The following NCAM2 variants were observed in gnomAD, a reference collection of about 807,000 sequenced individuals.
The protein encoded by NCAM2 is N-CAM-2.
Under a neutral mutation model 98.1 loss-of-function variants are expected in NCAM2, and 30 were observed. The ratio of observed to expected loss-of-function variants is 0.31; its 90% CI spans 0.23 to 0.41. The LOEUF is 0.41. Ranked by LOEUF, NCAM2 falls within the 10% of genes least tolerant of loss-of-function variation. The pLI is 1.00. For synonymous variants in NCAM2, 368 were observed against 342.4 expected, an observed-to-expected ratio of 1.07 and a Z score of -0.83; for missense variants, 867 against 1,005.8, an observed-to-expected ratio of 0.86 and a Z score of 1.87.
At chr21:21,443,685 G>T (rs1464728426) in intron 12 of NCAM2, among the ~76,000 whole-genome samples, 1 of 152,106 alleles carries the variant, frequency 6.6e-6, no homozygotes. Flanking sequence ...CTCAGTGAGA[G>T]ATAGCCCTTT....
At chr21:21,189,086 A>G (rs2068734266) in intron 1 of NCAM2, among the ~76,000 whole-genome samples, 1 of 152,208 alleles carries the variant, frequency 6.6e-6, no homozygotes, top group Admixed American at 6.5e-5. Flanking sequence ...TTTAGCATTT[A>G]TCTAGACTCA....
intron 1 of NCAM2, among the ~76,000 whole-genome samples, chr21:21,236,183 C>T (rs1011812021): frequency 5.3e-5 from 8 of 151,678 alleles, no homozygotes; most frequent in South Asian, 2.1e-4. Context: ...ATAAATAAAG[C>T]GCTTCCTATC....
chr21:21,496,320 G>A (rs555072949), intron 15 of NCAM2, among the ~76,000 whole-genome samples: 35 of 151,986 alleles, frequency 2.3e-4, no homozygotes, highest in Admixed American at 1.3e-4. Context: ...TCATTGGTGC[G>A]AGATACTATC....
chr21:21,072,230 G>A (rs2065587835), intron 1 of NCAM2, among the ~76,000 whole-genome samples: 1 of 151,978 alleles, frequency 6.6e-6, no homozygotes. Flanking sequence ...ATATTTTTGA[G>A]GGTAGCGAAT....
intron 1 of NCAM2, among the ~76,000 whole-genome samples, chr21:21,243,945 T>G (rs1339243701): frequency 6.6e-6 from 1 of 152,178 alleles, no homozygotes; most frequent in Non-Finnish European, 1.5e-5. Context: ...ACCTGGAGAA[T>G]GCTTTGTAAT....
chr21:21,497,940 A>C (rs1987360748), intron 15 of NCAM2, among the ~76,000 whole-genome samples: 1 of 152,142 alleles, frequency 6.6e-6, no homozygotes, highest in Non-Finnish European at 1.5e-5. Context: ...CAGAATTTTT[A>C]AAACCTAAAG....
At chr21:21,111,781 G>C (rs1318455497) in intron 1 of NCAM2, among the ~76,000 whole-genome samples, 2 of 152,060 alleles carry the variant, frequency 1.3e-5, no homozygotes, top group Non-Finnish European at 2.9e-5. Flanking sequence ...GGTCGTTTCA[G>C]GTTTGAGGAA....
intron 15 of NCAM2, among the ~76,000 whole-genome samples, chr21:21,477,866 C>T (rs2776107): frequency 0.036 from 5,416 of 152,110 alleles, 305 homozygotes; most frequent in African/African-American, 0.12. Context: ...TAATGATGAG[C>T]CAACCTATGC....
chr21:21,468,444 A>G (rs933840932), intron 13 of NCAM2, among the ~76,000 whole-genome samples: 6 of 152,056 alleles, frequency 3.9e-5, no homozygotes, highest in African/African-American at 1.4e-4. Flanking sequence ...TTTGGTCCTC[A>G]GGCTACAGTT....
intron 1 of NCAM2, among the ~76,000 whole-genome samples, chr21:21,106,013 A>T (rs2066337037): frequency 3.3e-5 from 5 of 152,110 alleles, no homozygotes. Context: ...AAAACTATAT[A>T]TGTCCATGTT....
At chr21:21,007,305 G>T (rs1359410530) in intron 1 of NCAM2, among the ~76,000 whole-genome samples, 2 of 152,010 alleles carry the variant, frequency 1.3e-5, no homozygotes, top group Non-Finnish European at 1.5e-5. Context: ...TGGTACCTCT[G>T]TTACCAGAAA....
rs775533103 is a variant in NCAM2, at chr21:20,998,527, T to C, written c.-37T>C. 79 of 1,606,888 alleles carry C rather than the reference T, an allele frequency of 4.9e-5. No individual in the cohort carries two copies. The highest frequency in any genetic ancestry group is 6.6e-5 in the Non-Finnish European group (78 of 1,173,914). ...GTTCTCTCTCCAGGGCTGGACTTAA[T>C]AACTTTGAAACTGTCCACCGGTGTC... On this transcript the variant is annotated 5_prime_UTR_variant, in exon 1 of 18. Transcript: ENST00000400546.
intron 1 of NCAM2, among the ~76,000 whole-genome samples, chr21:21,082,430 G>A (rs891295455): frequency 6.6e-6 from 1 of 151,854 alleles, no homozygotes; most frequent in African/African-American, 2.4e-5. Context: ...TTTGCCTTAA[G>A]TGTCCTGTTT....
chr21:21,221,150 A>C (rs372013033), intron 1 of NCAM2, among the ~76,000 whole-genome samples: 2 of 152,142 alleles, frequency 1.3e-5, no homozygotes, highest in Non-Finnish European at 2.9e-5. Flanking sequence ...AAGACGGTGA[A>C]TCCTTCAGTA....
intron 1 of NCAM2, among the ~76,000 whole-genome samples, chr21:21,172,125 G>C (rs1231856346): frequency 6.7e-6 from 1 of 148,876 alleles, no homozygotes; most frequent in African/African-American, 2.5e-5. Context: ...TTTCTGTGTA[G>C]TCCCCTATTT....
chr21:21,248,122 A>AT (rs11422884), intron 1 of NCAM2, among the ~76,000 whole-genome samples: 144,165 of 152,226 alleles, frequency 0.95, 68,779 homozygotes, highest in East Asian at 1. Context: ...CTACATGTAT[A>AT]TGGAATTCTT....
intron 6 of NCAM2, among the ~76,000 whole-genome samples, chr21:21,331,536 CTCT>C (rs2074694345): frequency 6.7e-4 from 1 of 1,496 alleles, no homozygotes; most frequent in Non-Finnish European, 2.8e-3. Flanking sequence ...TATATATATA[CTCT>C]ATATACATAT....
chr21:21,004,829 A>C (rs77528130), intron 1 of NCAM2, among the ~76,000 whole-genome samples: 1 of 152,114 alleles, frequency 6.6e-6, no homozygotes, highest in Non-Finnish European at 1.5e-5. Context: ...AATAACTAAG[A>C]TTGTACTGCT....
At chr21:21,373,454 A>G (rs1413039961) in intron 8 of NCAM2, among the ~76,000 whole-genome samples, 3 of 151,930 alleles carry the variant, frequency 2.0e-5, no homozygotes, top group African/African-American at 4.8e-5. Context: ...ACGTCTGTGA[A>G]GAGTGTTTAT....
Sources: gnomAD v4.1 joint callset for allele counts (sites outside exome capture counted in the v4.1 genomes callset) on GRCh38, gnomAD v4.1.1 for gene constraint, MANE v1.5 for transcripts, NCBI Gene and HGNC (gene_info 2026-07-23, HGNC 2026-07-21) for gene names.